Variants in WWOX observed in about 807,000 individuals in gnomAD.
WWOX encodes WW domain containing oxidoreductase.
WWOX carries 69 observed loss-of-function variants against 46.2 expected under a neutral mutation model. The observed-to-expected ratio is 1.49, with a 90% CI of 1.23 to 1.82. The LOEUF is 1.82. Among genes scored for constraint, WWOX ranks in the 40% most tolerant of loss-of-function variants. The pLI is 0.00. For synonymous variants in WWOX, 359 were observed against 202.6 expected (o/e 1.77, Z -6.56); for missense variants, 919 against 542.6 (o/e 1.69, Z -6.89).
At chr16:78,935,968 G>T (rs2045729096) in intron 8 of WWOX, among the ~76,000 whole-genome samples, 1 of 152,068 alleles carries the variant, frequency 6.6e-6, no homozygotes, top group Admixed American at 6.6e-5. Flanking sequence ...CAAAAAAAAA[G>T]TTGGAAGGGT....
chr16:78,882,568 C>T (rs1016157147), intron 8 of WWOX, among the ~76,000 whole-genome samples: 4 of 151,856 alleles, frequency 2.6e-5, no homozygotes, highest in African/African-American at 9.7e-5. Flanking sequence ...CCTCCTTCTC[C>T]CAGGTTCAAG....
chr16:78,394,150 C>T (rs542686357), intron 6 of WWOX, among the ~76,000 whole-genome samples: 63 of 152,138 alleles, frequency 4.1e-4, no homozygotes, highest in African/African-American at 1.2e-3. Context: ...CTCCCTAGCT[C>T]GGTTTTAAGA....
chr16:78,294,427 G>A (rs1360751166), intron 5 of WWOX, among the ~76,000 whole-genome samples: 4 of 152,032 alleles, frequency 2.6e-5, no homozygotes, highest in Non-Finnish European at 5.9e-5. Context: ...TTCCAATATT[G>A]CTGGCTTCTA....
chr16:78,975,436 T>C (rs924020962), intron 8 of WWOX, among the ~76,000 whole-genome samples: 1 of 151,608 alleles, frequency 6.6e-6, no homozygotes, highest in Non-Finnish European at 1.5e-5. Context: ...GTAAGAAACC[T>C]TGGCCTAGAG....
chr16:78,658,515 C>T (rs1327375311), intron 8 of WWOX, among the ~76,000 whole-genome samples: 5 of 152,144 alleles, frequency 3.3e-5, no homozygotes, highest in East Asian at 1.9e-4. Flanking sequence ...CACCTGACAT[C>T]GAGGTGTTGG....
chr16:78,822,760 G>A (rs1276685977), intron 8 of WWOX, among the ~76,000 whole-genome samples: 1 of 152,144 alleles, frequency 6.6e-6, no homozygotes, highest in East Asian at 1.9e-4. Flanking sequence ...GAATGCAAGG[G>A]AACTAAAGGT....
In WWOX at chr16:79,180,554, T is replaced by G. The variant is rs534806035; in HGVS notation, c.1057-31054T>G. On this transcript the variant is annotated intron_variant, in intron 8 of 8. Transcript: ENST00000566780. ...GGGAAGGAGATAGGGGCAGGAGGAA[T>G]TGGGGAAATAGGAACCTTAGAAACC... 2.6e-5 allele frequency among the ~76,000 whole-genome samples: 4 copies of G among 152,220 alleles called. No individual in the cohort carries two copies. The South Asian group carries it at 6.2e-4, about 24-fold the overall frequency.
At chr16:78,420,208 C>T (rs899607606) in intron 6 of WWOX, among the ~76,000 whole-genome samples, 2 of 152,120 alleles carry the variant, frequency 1.3e-5, no homozygotes, top group African/African-American at 4.8e-5. Flanking sequence ...ACAGTTTGGC[C>T]ATTATTCAAA....
At chr16:78,467,472 C>T (rs1351007897) in intron 8 of WWOX, among the ~76,000 whole-genome samples, 2 of 152,112 alleles carry the variant, frequency 1.3e-5, no homozygotes, top group African/African-American at 4.8e-5. Flanking sequence ...AAGGCAGGAT[C>T]AAAGGACCTC....
rs533347785 is a variant in WWOX at position 78,573,970 on chromosome 16, C to T, written c.1056+141218C>T. Reference sequence around the variant, plus strand: ...TCACAAAGTTGCAATCATATATTGGCCAGGGTGTGTTCTAATTTGGTAGCT... The same window carrying T: ...TCACAAAGTTGCAATCATATATTGGTCAGGGTGTGTTCTAATTTGGTAGCT... On this transcript the variant is annotated intron_variant, in intron 8 of 8. Coordinates refer to ENST00000566780, the MANE Select transcript of WWOX (RefSeq NM_016373.4). Among the ~76,000 whole-genome samples, 282 of 152,294 alleles carry T rather than the reference C, an allele frequency of 1.9e-3. 1 individual carries two copies. Among genetic ancestry groups the T allele is most frequent in the Non-Finnish European group, 3.1e-3 (208 of 68,026 alleles).
chr16:78,504,387 T>C (rs1403896765), intron 8 of WWOX, among the ~76,000 whole-genome samples: 1 of 152,240 alleles, frequency 6.6e-6, no homozygotes, highest in East Asian at 1.9e-4. Context: ...TACATTGTTA[T>C]GAACCAACAT....
intron 8 of WWOX, among the ~76,000 whole-genome samples, chr16:78,659,556 T>G (rs571599941): frequency 6.6e-6 from 1 of 152,164 alleles, no homozygotes; most frequent in African/African-American, 2.4e-5. Context: ...AAAAAACCTT[T>G]CGAGACATCA....
intron 8 of WWOX, among the ~76,000 whole-genome samples, chr16:78,700,546 T>G (rs1217010404): frequency 6.6e-6 from 1 of 152,138 alleles, no homozygotes; most frequent in African/African-American, 2.4e-5. Flanking sequence ...GTGCCCCAAT[T>G]TACTGTCAGT....
At chr16:78,874,443 C>T (rs1485088742) in intron 8 of WWOX, among the ~76,000 whole-genome samples, 1 of 151,998 alleles carries the variant, frequency 6.6e-6, no homozygotes, top group Non-Finnish European at 1.5e-5. Context: ...CCTGGTTCTG[C>T]TACCTCCAAC....
intron 5 of WWOX, among the ~76,000 whole-genome samples, chr16:78,279,993 C>A (rs148205447): frequency 1.3e-5 from 2 of 152,364 alleles, no homozygotes; most frequent in Admixed American, 6.5e-5. Flanking sequence ...CGTTTCCCCT[C>A]TTTCTGATCC....
At chr16:78,863,568 C>G (rs2043939228) in intron 8 of WWOX, among the ~76,000 whole-genome samples, 1 of 152,144 alleles carries the variant, frequency 6.6e-6, no homozygotes, top group South Asian at 2.1e-4. Flanking sequence ...TTGTGGCTCC[C>G]TTTGTGAGAA....
At chr16:78,394,818 C>G (rs68107493) in intron 6 of WWOX, among the ~76,000 whole-genome samples, 23,706 of 152,226 alleles carry the variant, frequency 0.16, 2,365 homozygotes, top group East Asian at 0.42. Flanking sequence ...TATGCTACCC[C>G]TGGGCAACAA....
At chr16:78,899,933 A>G (rs1314381708) in intron 8 of WWOX, among the ~76,000 whole-genome samples, 2 of 152,134 alleles carry the variant, frequency 1.3e-5, no homozygotes, top group Admixed American at 6.5e-5. Flanking sequence ...CAGGTGTTCC[A>G]TGAAGCTGTA....
At chr16:78,167,676 A>G (rs2035017233) in intron 5 of WWOX, 1 of 152,176 alleles carries the variant, frequency 6.6e-6, no homozygotes. Flanking sequence ...CAAGATGATG[A>G]TTATGGAAAC....
Sources: allele counts gnomAD v4.1 joint callset (sites outside exome capture counted in the v4.1 genomes callset), GRCh38; gene constraint gnomAD v4.1.1; transcripts MANE v1.5; gene names NCBI Gene and HGNC (gene_info 2026-07-23, HGNC 2026-07-21).